Variants in SLC12A2 observed in about 807,000 individuals in gnomAD.
SLC12A2 encodes the protein Na-K-2Cl cotransporter 1.
SLC12A2 carries 67 observed loss-of-function variants against 136.3 expected under a neutral mutation model. The ratio of observed to expected loss-of-function variants is 0.49; its 90% CI spans 0.40 to 0.60. The LOEUF is 0.60. SLC12A2 is among the 20% of genes least tolerant of loss of function. The pLI is 0.00. For missense variants in SLC12A2, 1,322 were observed against 1,534.7 expected, an observed-to-expected ratio of 0.86 and a Z score of 2.32; for synonymous variants, 619 against 562.9, an observed-to-expected ratio of 1.10 and a Z score of -1.41.
intron 24 of SLC12A2, among the ~76,000 whole-genome samples, chr5:128,183,550 A>G (rs1389020169): frequency 3.9e-5 from 6 of 151,920 alleles, no homozygotes. Context: ...GGTGTTTCAT[A>G]CTAGATTTGA....
chr5:128,144,177 A>G (rs577950724), intron 10 of SLC12A2, among the ~76,000 whole-genome samples: 16 of 152,156 alleles, frequency 1.1e-4, no homozygotes, highest in Non-Finnish European at 2.4e-4. Flanking sequence ...GTGTGGCCTT[A>G]AGATAGAAAA....
chr5:128,104,571 G>A (rs1389994820), intron 1 of SLC12A2, among the ~76,000 whole-genome samples: 2 of 151,790 alleles, frequency 1.3e-5, no homozygotes, highest in Non-Finnish European at 1.5e-5. Context: ...GGCAGAGGTT[G>A]CAGTGAGCCC....
rs1307161379 is a variant in SLC12A2 at position 128,187,645 on chromosome 5, A to G, written c.*1014A>G. The G allele has an allele frequency of 6.6e-6, 1 of 152,580 alleles. No homozygotes were observed. The highest frequency in any genetic ancestry group is 1.5e-5 in the Non-Finnish European group (1 of 68,004). The allele number at this position is 152,580 out of a possible 1,614,324, so 9.5% of individuals were successfully genotyped here. On this transcript the variant is annotated 3_prime_UTR_variant, in exon 27 of 27. Transcript: ENST00000262461. ...AATGTTTCATCAAATGGTTAAATGG[A>G]CCACTGGTTTCTTAGAGAAATGTTT...
chr5:128,115,674 A>G (rs1012412624), intron 4 of SLC12A2, among the ~76,000 whole-genome samples: 7 of 152,232 alleles, frequency 4.6e-5, no homozygotes, highest in African/African-American at 1.4e-4. Flanking sequence ...CAGCACCTGT[A>G]AAGTCATGGT....
At chr5:128,180,795 T>C (rs558123340) in intron 22 of SLC12A2, 88 bp from the exon 23 acceptor site, 3 of 776,454 alleles carry the variant, frequency 3.9e-6, no homozygotes, top group East Asian at 2.5e-5. Flanking sequence ...TATGGAGTTG[T>C]AGTAAACATG....
chr5:128,125,031 A>G (rs987616319), intron 4 of SLC12A2, among the ~76,000 whole-genome samples: 3 of 152,156 alleles, frequency 2.0e-5, no homozygotes, highest in Non-Finnish European at 4.4e-5. Context: ...GACCAAATAT[A>G]TATTTCTTCT....
intron 19 of SLC12A2, among the ~76,000 whole-genome samples, chr5:128,172,527 C>T (rs1262407870): frequency 6.6e-6 from 1 of 152,220 alleles, no homozygotes. Flanking sequence ...CCACTATGTA[C>T]TTTGTCTCCA....
Position 128,115,193 on chromosome 5 carries a change from T to C in SLC12A2, c.1048+512T>C, listed in dbSNP as rs1462070035. On this transcript the variant is annotated intron_variant, in intron 4 of 26. Transcript: ENST00000262461. ...AGGTTGGAGTGCAGTGGCATGATCTTGGCTCAGTGCAATCTCTGCCTCCCA... is the reference window on the plus strand; with the variant it reads ...AGGTTGGAGTGCAGTGGCATGATCTCGGCTCAGTGCAATCTCTGCCTCCCA... Among the ~76,000 whole-genome samples the C allele has an allele frequency of 2.0e-5, 3 of 152,300 alleles. No homozygotes were observed. The East Asian group carries it at 5.8e-4, about 29-fold the overall frequency.
intron 1 of SLC12A2, among the ~76,000 whole-genome samples, chr5:128,102,670 TG>T (rs1488460555): frequency 7.4e-6 from 1 of 134,372 alleles, no homozygotes. Flanking sequence ...TGGAGTGCAG[TG>T]GTGTGATCAC....
chr5:128,130,805 T>C (rs1399046104), intron 4 of SLC12A2, among the ~76,000 whole-genome samples: 3 of 152,202 alleles, frequency 2.0e-5, no homozygotes, highest in African/African-American at 4.8e-5. Flanking sequence ...ATCTAAACTT[T>C]AAAAGATAAA....
chr5:128,121,562 T>G (rs1761580454), intron 4 of SLC12A2, among the ~76,000 whole-genome samples: 1 of 152,084 alleles, frequency 6.6e-6, no homozygotes, highest in Non-Finnish European at 1.5e-5. Context: ...GATCTCGTGA[T>G]CTGCCCGCCT....
chr5:128,164,600 C>T (rs776265400), intron 17 of SLC12A2, among the ~76,000 whole-genome samples: 1 of 152,116 alleles, frequency 6.6e-6, no homozygotes, highest in Non-Finnish European at 1.5e-5. Flanking sequence ...AAACCTGTTA[C>T]ACAAAGTGTC....
At chr5:128,107,281 G>T (rs1016688016) in intron 1 of SLC12A2, among the ~76,000 whole-genome samples, 1 of 151,776 alleles carries the variant, frequency 6.6e-6, no homozygotes, top group Non-Finnish European at 1.5e-5. Context: ...TTCTTTTACC[G>T]TTTATGCACA....
intron 15 of SLC12A2, among the ~76,000 whole-genome samples, chr5:128,153,165 G>C (rs920171739): frequency 6.6e-6 from 1 of 152,168 alleles, no homozygotes; most frequent in African/African-American, 2.4e-5. Context: ...GTCTTAATTA[G>C]TGATTAACTG....
At chr5:128,135,158 TA>T (rs1158388341) in intron 6 of SLC12A2, among the ~76,000 whole-genome samples, 1 of 152,068 alleles carries the variant, frequency 6.6e-6, no homozygotes, top group Non-Finnish European at 1.5e-5. Flanking sequence ...GGGGAAATGG[TA>T]GTTTTCATAG....
At chr5:128,185,787 TTAGA>T (rs1228523306) in intron 26 of SLC12A2, among the ~76,000 whole-genome samples, 1 of 152,190 alleles carries the variant, frequency 6.6e-6, no homozygotes, top group Admixed American at 6.5e-5. Flanking sequence ...GGATTTAGTG[TTAGA>T]TATCAGAGGT....
At chr5:128,139,969 G>T (rs1762308154) in intron 9 of SLC12A2, among the ~76,000 whole-genome samples, 1 of 152,082 alleles carries the variant, frequency 6.6e-6, no homozygotes, top group African/African-American at 2.4e-5. Context: ...ATGGTGAGCT[G>T]AATTGCCTTT....
rs945870502 is a variant in SLC12A2 at position 128,083,947 on chromosome 5, G to A, written c.-8G>A. ...GGGCTCTGCAGTTCCGCCGGGGGTC[G>A]GGCAGCTATGGAGCCGCGGCCCACG... On this transcript the variant is annotated 5_prime_UTR_variant, in exon 1 of 27. Coordinates refer to ENST00000262461, the MANE Select transcript of SLC12A2 (RefSeq NM_001046.3). The A allele has an allele frequency of 2.4e-6, 3 of 1,230,356 alleles. No individual in the cohort carries two copies. Among genetic ancestry groups the A allele is most frequent in the Non-Finnish European group, 3.0e-6 (3 of 985,986 alleles). 76.2% of individuals were successfully genotyped at this position (1,230,356 alleles called of 1,614,324 possible).
intron 1 of SLC12A2, among the ~76,000 whole-genome samples, chr5:128,093,350 C>T (rs1471582137): frequency 6.6e-6 from 1 of 152,082 alleles, no homozygotes; most frequent in Non-Finnish European, 1.5e-5. Flanking sequence ...TCTTTTTTCT[C>T]TCCTTATGCT....
Sources: gnomAD v4.1 joint callset for allele counts (sites outside exome capture counted in the v4.1 genomes callset) on GRCh38, gnomAD v4.1.1 for gene constraint, MANE v1.5 for transcripts, NCBI Gene and HGNC (gene_info 2026-07-23, HGNC 2026-07-21) for gene names.